NCAM1: variants seen among roughly 807,000 people sequenced by gnomAD.
The protein encoded by NCAM1 is antigen recognized by monoclonal antibody 5.1H11.
In NCAM1, 14 loss-of-function variants were observed where a neutral mutation model predicts 109.8. The ratio of observed to expected loss-of-function variants is 0.13; its 90% CI spans 0.08 to 0.20. NCAM1 has a LOEUF of 0.20. Ranked by LOEUF, NCAM1 falls within the 10% of genes least tolerant of loss-of-function variation. The probability of loss-of-function intolerance (pLI) is 1.00; values close to 1 mark genes in which losing one functional copy is unlikely to be tolerated. For missense variants in NCAM1, 774 were observed against 1,109.9 expected, an observed-to-expected ratio of 0.70 and a Z score of 4.30; for synonymous variants, 418 against 442.9, an observed-to-expected ratio of 0.94 and a Z score of 0.70.
In NCAM1 at chr11:113,105,591, G is replaced by A. The variant is rs183437306; in HGVS notation, c.53-96788G>A. The stretch of plus-strand genomic sequence containing the variant: ...GAATATCATTATTCAGGCATAAAAA[G>A]GAATGAAGTACAGATATCTTGCTAC... On this transcript the variant is annotated intron_variant, in intron 1 of 19. Transcript: ENST00000316851. 3.9e-5 allele frequency among the ~76,000 whole-genome samples: 6 copies of A among 152,156 alleles called. No homozygotes were observed. In the East Asian group the frequency reaches 1.2e-3, roughly 29 times the overall value.
intron 1 of NCAM1, among the ~76,000 whole-genome samples, chr11:112,975,991 T>A (rs11214441): frequency 0.46 from 69,121 of 151,668 alleles, 16,585 homozygotes; most frequent in East Asian, 0.8. Flanking sequence ...TGTGTTCTAG[T>A]GATATTCACA....
At chr11:113,204,256 G>A (rs1944164295) in intron 2 of NCAM1, 30 bp from the exon 3 acceptor site, 1 of 1,566,872 alleles carries the variant, frequency 6.4e-7, no homozygotes, top group Non-Finnish European at 8.7e-7. Context: ...TTCGACTTCA[G>A]TAGCTTAAAA....
At chr11:113,127,080 T>A (rs1190630154) in intron 1 of NCAM1, among the ~76,000 whole-genome samples, 1 of 152,236 alleles carries the variant, frequency 6.6e-6, no homozygotes, top group Non-Finnish European at 1.5e-5. Context: ...GCTGATTGTC[T>A]GAACAACACA....
chr11:112,979,667 G>A (rs930841404), intron 1 of NCAM1, among the ~76,000 whole-genome samples: 51 of 151,824 alleles, frequency 3.4e-4, no homozygotes, highest in African/African-American at 1.1e-3. Flanking sequence ...CTTCTTTAAC[G>A]TTTCAGTTTG....
chr11:112,962,141 TTA>T lies in NCAM1; in HGVS notation c.52+481_52+482del, dbSNP rs1237482385. ...AGGCTAGGGCAGCCGCCCCAGATCG[TTA>T]TATTCCTGGGTCTAATAAAGTCAGG... On this transcript the variant is annotated intron_variant, in intron 1 of 19. Coordinates refer to ENST00000316851, the MANE Select transcript of NCAM1 (RefSeq NM_181351.5). This position sits in a 1 kb window ranked among gnomAD's most constrained non-coding sequence, Gnocchi z 5.6. Among the ~76,000 whole-genome samples the T allele has an allele frequency of 6.6e-6, 1 of 152,096 alleles. No individual in the cohort carries two copies. Among genetic ancestry groups the T allele is most frequent in the African/African-American group, 2.4e-5 (1 of 41,434 alleles).
chr11:113,187,812 T>C (rs112421884), intron 1 of NCAM1, among the ~76,000 whole-genome samples: 3 of 152,244 alleles, frequency 2.0e-5, no homozygotes, highest in African/African-American at 7.2e-5. Context: ...TGTGTGCTCT[T>C]TTTTCTCGGG....
intron 1 of NCAM1, among the ~76,000 whole-genome samples, chr11:113,000,845 T>TATATATATAC (rs1951731961): frequency 9.6e-6 from 1 of 103,858 alleles, no homozygotes; most frequent in African/African-American, 3.9e-5. Flanking sequence ...TATATATATA[T>TATATATATAC]ATACACAAAA....
At chr11:113,200,355 T>C (rs1217180092) in intron 1 of NCAM1, among the ~76,000 whole-genome samples, 1 of 152,202 alleles carries the variant, frequency 6.6e-6, no homozygotes, top group Non-Finnish European at 1.5e-5. Flanking sequence ...CCTGCAGCTC[T>C]CTTTGTAAGG....
intron 17 of NCAM1, among the ~76,000 whole-genome samples, chr11:113,268,266 A>T (rs1448113985): frequency 2.0e-5 from 3 of 152,208 alleles, no homozygotes; most frequent in African/African-American, 7.2e-5. Context: ...CATGGCTGCT[A>T]AGAAAATGAC....
At chr11:113,055,978 GATATATATATATATAT>G (rs58693567) in intron 1 of NCAM1, among the ~76,000 whole-genome samples, 3,804 of 60,026 alleles carry the variant, frequency 0.063, 274 homozygotes, top group Admixed American at 0.22. Flanking sequence ...AAGAAAATGT[GATATATATATATATAT>G]ATATATATAT....
At chr11:113,269,831 C>T (rs1463862901) in intron 17 of NCAM1, 2 of 318,478 alleles carry the variant, frequency 6.3e-6, no homozygotes, top group Non-Finnish European at 1.2e-5. Flanking sequence ...TGCTGCAAAG[C>T]CTTTTGCCCT....
At chr11:113,212,804 C>T (rs559195087) in intron 7 of NCAM1, among the ~76,000 whole-genome samples, 1 of 152,258 alleles carries the variant, frequency 6.6e-6, no homozygotes, top group Admixed American at 6.5e-5. Flanking sequence ...GGCACATATT[C>T]CTTCCAATAC....
intron 1 of NCAM1, among the ~76,000 whole-genome samples, chr11:112,991,720 A>G (rs1555070616): frequency 6.6e-6 from 1 of 152,192 alleles, no homozygotes; most frequent in Non-Finnish European, 1.5e-5. Flanking sequence ...TTTTTTATTT[A>G]TTGAAGGAAG....
intron 8 of NCAM1, among the ~76,000 whole-genome samples, chr11:113,219,029 C>G (rs886823809): frequency 1.3e-5 from 2 of 152,196 alleles, no homozygotes; most frequent in Non-Finnish European, 2.9e-5. Context: ...GATTTACGTA[C>G]TCTATCCCTG....
chr11:113,229,841 C>A (rs1207561284), intron 9 of NCAM1, among the ~76,000 whole-genome samples: 6 of 152,038 alleles, frequency 3.9e-5, no homozygotes, highest in South Asian at 2.1e-4. Flanking sequence ...GGACAAAAAA[C>A]CAAACACTGC....
intron 1 of NCAM1, among the ~76,000 whole-genome samples, chr11:113,166,852 T>C (rs1307533012): frequency 1.3e-5 from 2 of 152,150 alleles, no homozygotes; most frequent in African/African-American, 4.8e-5. Context: ...AAAAATGAAA[T>C]ACAAATATAA....
chr11:113,066,099 G>A (rs1937941087), intron 1 of NCAM1, among the ~76,000 whole-genome samples: 1 of 152,122 alleles, frequency 6.6e-6, no homozygotes, highest in Admixed American at 6.5e-5. Flanking sequence ...TCCTGTGAGT[G>A]TAGGATGAAC....
intron 3 of NCAM1, 145 bp from the exon 4 acceptor site, chr11:113,205,378 C>T (rs1395400456): frequency 1.1e-5 from 11 of 1,013,130 alleles, no homozygotes; most frequent in African/African-American, 3.3e-5. Context: ...CTCTGCCTGA[C>T]GTCTCTGAGG....
intron 1 of NCAM1, among the ~76,000 whole-genome samples, chr11:113,099,065 A>G (rs1225553424): frequency 1.3e-5 from 2 of 152,182 alleles, no homozygotes; most frequent in African/African-American, 2.4e-5. Flanking sequence ...TTAAACCTCA[A>G]AACAACCCTA....
Sources: allele counts gnomAD v4.1 joint callset (sites outside exome capture counted in the v4.1 genomes callset), GRCh38; gene constraint gnomAD v4.1.1; non-coding constraint Gnocchi (gnomAD v3.1); transcripts MANE v1.5; gene names NCBI Gene and HGNC (gene_info 2026-07-23, HGNC 2026-07-21).